The following POFUT3 variants were observed in gnomAD, a reference collection of about 807,000 sequenced individuals.
POFUT3 encodes GDP-fucose protein O-fucosyltransferase 3.
chr8:33,426,240 C>G, the POFUT3 span, among the ~76,000 whole-genome samples: 88,686 of 152,000 alleles, frequency 0.58, 26,144 homozygotes, highest in African/African-American at 0.61. Flanking sequence ...TAGATATAAA[C>G]TGGACTCTGC....
At chr8:33,462,432 T>G in the POFUT3 span, among the ~76,000 whole-genome samples, 1 of 152,128 alleles carries the variant, frequency 6.6e-6, no homozygotes, top group African/African-American at 2.4e-5. Context: ...CAATCAAAAA[T>G]GGATAATCAT....
At chr8:33,315,177 G>T in the POFUT3 span, among the ~76,000 whole-genome samples, 51,634 of 151,976 alleles carry the variant, frequency 0.34, 9,383 homozygotes, top group East Asian at 0.66. Flanking sequence ...CCCAATAAAT[G>T]CTTTCACTAT....
the POFUT3 span, among the ~76,000 whole-genome samples, chr8:33,443,538 G>A: frequency 6.6e-6 from 1 of 152,120 alleles, no homozygotes; most frequent in Non-Finnish European, 1.5e-5. Context: ...TGTCACCCAG[G>A]CTGGAGTGTA....
the POFUT3 span, among the ~76,000 whole-genome samples, chr8:33,432,875 A>G: frequency 2.6e-5 from 4 of 152,314 alleles, no homozygotes; most frequent in East Asian, 7.7e-4. Flanking sequence ...AAGCTCTTCA[A>G]AGGAAATTTG....
the POFUT3 span, chr8:33,461,795 T>C: frequency 1.5e-5 from 8 of 528,416 alleles, no homozygotes; most frequent in Admixed American, 2.2e-4. Context: ...AGGGTGATCA[T>C]GAAAAAACAT....
At chr8:33,421,402 T>A in the POFUT3 span, among the ~76,000 whole-genome samples, 1 of 152,106 alleles carries the variant, frequency 6.6e-6, no homozygotes, top group East Asian at 1.9e-4. Context: ...GGATCTTCCA[T>A]CTCCTCCATG....
chr8:33,337,662 CT>C, the POFUT3 span, among the ~76,000 whole-genome samples: 8 of 152,078 alleles, frequency 5.3e-5, no homozygotes, highest in Admixed American at 3.3e-4. Flanking sequence ...TAAAAGAGTA[CT>C]ATGAACAATT....
the POFUT3 span, among the ~76,000 whole-genome samples, chr8:33,401,585 A>G: frequency 6.6e-6 from 1 of 152,222 alleles, no homozygotes. Context: ...GGTATTATCC[A>G]TGTAACTACC....
the POFUT3 span, among the ~76,000 whole-genome samples, chr8:33,468,350 T>C: frequency 6.6e-6 from 1 of 152,084 alleles, no homozygotes. Flanking sequence ...GGCAGGGAGC[T>C]CTGGGAAGAC....
At chr8:33,316,760 A>C in the POFUT3 span, among the ~76,000 whole-genome samples, 2 of 150,222 alleles carry the variant, frequency 1.3e-5, no homozygotes, top group East Asian at 2.0e-4. Context: ...AAAACAAGGA[A>C]AGGAACAGCA....
chr8:33,324,561 T>G, the POFUT3 span, among the ~76,000 whole-genome samples: 1 of 152,156 alleles, frequency 6.6e-6, no homozygotes, highest in African/African-American at 2.4e-5. Context: ...AAATTTGTTA[T>G]CTAAACCCCA....
chr8:33,433,662 T>C, the POFUT3 span, among the ~76,000 whole-genome samples: 1 of 150,300 alleles, frequency 6.7e-6, no homozygotes, highest in African/African-American at 2.5e-5. Context: ...CAGGTACCTG[T>C]AATCCCAGCT....
the POFUT3 span, among the ~76,000 whole-genome samples, chr8:33,406,945 CAAG>C: frequency 1.3e-5 from 2 of 152,062 alleles, no homozygotes; most frequent in East Asian, 1.9e-4. Flanking sequence ...AAAAAACTAA[CAAG>C]AAGAACAAAG....
the POFUT3 span, among the ~76,000 whole-genome samples, chr8:33,423,535 G>A: frequency 1.3e-5 from 2 of 152,072 alleles, no homozygotes; most frequent in Non-Finnish European, 2.9e-5. Context: ...CTCCCAAAGT[G>A]CTGGGATTAC....
At chr8:33,355,465 C>A in the POFUT3 span, among the ~76,000 whole-genome samples, 1 of 152,126 alleles carries the variant, frequency 6.6e-6, no homozygotes, top group Admixed American at 6.6e-5. Flanking sequence ...CACAGACACA[C>A]CTAAAAATAA....
chr8:33,365,227 T>C, the POFUT3 span, among the ~76,000 whole-genome samples: 2 of 152,134 alleles, frequency 1.3e-5, no homozygotes, highest in African/African-American at 4.8e-5. Flanking sequence ...TGAAACTGGA[T>C]CCCTTCCTTA....
At chr8:33,392,804 T>G in the POFUT3 span, among the ~76,000 whole-genome samples, 1 of 151,856 alleles carries the variant, frequency 6.6e-6, no homozygotes, top group African/African-American at 2.4e-5. Flanking sequence ...GCCAACATGG[T>G]GAAACCCCGT....
At chr8:33,358,704 A>G in the POFUT3 span, among the ~76,000 whole-genome samples, 533 of 152,268 alleles carry the variant, frequency 3.5e-3, 8 homozygotes, top group African/African-American at 0.012. Context: ...ATTAGTGATT[A>G]GTGTCCTTAT....
chr8:33,332,009 G>A, the POFUT3 span, among the ~76,000 whole-genome samples: 121 of 151,912 alleles, frequency 8.0e-4, no homozygotes, highest in Middle Eastern at 3.4e-3. Flanking sequence ...CAGGCATGGT[G>A]GCACACACCT....
Sources: gnomAD v4.1 joint callset for allele counts (sites outside exome capture counted in the v4.1 genomes callset) on GRCh38, gnomAD v4.1.1 for gene constraint, MANE v1.5 for transcripts, NCBI Gene and HGNC (gene_info 2026-07-23, HGNC 2026-07-21) for gene names.